ARHGAP20: variants seen among roughly 807,000 people sequenced by gnomAD.
The protein encoded by ARHGAP20 is rho GTPase-activating protein 20.
In ARHGAP20, 34 loss-of-function variants were observed where a neutral mutation model predicts 73.7. The observed-to-expected ratio is 0.46, with a 90% CI of 0.35 to 0.61. The LOEUF is 0.61. Among genes scored for constraint, ARHGAP20 ranks in the 20% least tolerant of loss-of-function variants. The pLI is 0.00. For synonymous variants in ARHGAP20, 523 were observed against 518.2 expected (o/e 1.01, Z -0.13); for missense variants, 1,314 against 1,420.9 (o/e 0.92, Z 1.21).
rs112958289 is a variant in ARHGAP20, at chr11:110,590,786, T to C, written c.1167A>G (p.Gln389=). The C allele has an allele frequency of 2.3e-5, 37 of 1,613,420 alleles. No homozygotes were observed. The African/African-American group carries it at 3.9e-4, about 17-fold the overall frequency. ...AGATACCTTTGGTGAGAGGTCCTTT[T>C]TGATTAAGAAAGAAAAGCATATCCT... ...PVLDMLFFLN[Q]KGPLTKGIFR... is the part of the protein sequence containing the mutation. The change falls in exon 11 of 15, where the codon CAA becomes CAG. Residue 389 remains glutamine (Q), a synonymous_variant. Transcript: ENST00000683387.
chr11:110,707,535 A>G (rs1950571310), intron 1 of ARHGAP20, among the ~76,000 whole-genome samples: 1 of 152,168 alleles, frequency 6.6e-6, no homozygotes, highest in Non-Finnish European at 1.5e-5. Context: ...AAATCCTCTG[A>G]CTAGTGAGTA....
chr11:110,610,940 T>C (rs1185738474), intron 7 of ARHGAP20, among the ~76,000 whole-genome samples: 1 of 152,060 alleles, frequency 6.6e-6, no homozygotes, highest in Non-Finnish European at 1.5e-5. Flanking sequence ...AGGATAATTA[T>C]ATAGGGGAAA....
At chr11:110,655,068 C>G (rs1949435713) in intron 2 of ARHGAP20, among the ~76,000 whole-genome samples, 1 of 152,148 alleles carries the variant, frequency 6.6e-6, no homozygotes, top group Non-Finnish European at 1.5e-5. Flanking sequence ...CTACTCTAGA[C>G]TATATTCTTC....
At chr11:110,637,019 C>T (rs1054069789) in intron 2 of ARHGAP20, among the ~76,000 whole-genome samples, 1 of 151,966 alleles carries the variant, frequency 6.6e-6, no homozygotes, top group African/African-American at 2.4e-5. Context: ...CTGTTGCTTG[C>T]TTTTTATGTA....
chr11:110,634,659 T>C (rs756528804), intron 2 of ARHGAP20, among the ~76,000 whole-genome samples: 8 of 152,134 alleles, frequency 5.3e-5, no homozygotes, highest in South Asian at 2.1e-4. Context: ...GTTTCCTATA[T>C]GTAAAGTAAG....
At position 110,606,585 on chromosome 11, in the gene ARHGAP20, G is replaced by T; in HGVS notation, c.940C>A (p.Leu314Met). ...CCACTCAGTTGCTGGGCTGCAGCCA[G>T]GCGGCTGGGCTTCAGGATGAACTGG... Reference protein sequence around the residue: ...QCQFILKPSRLAAAQQLSDSG... With the variant: ...QCQFILKPSRMAAAQQLSDSG... Residue 314 changes from leucine to methionine, a missense_variant, in exon 9 of 15, where the codon CTG (leucine) becomes ATG (methionine). By Grantham distance (15) the Leu-to-Met change is conservative. Transcript: ENST00000683387. 6.2e-7 allele frequency: 1 copy of T among 1,611,044 alleles called. No homozygotes were observed. The highest frequency in any genetic ancestry group is 1.3e-5 in the African/African-American group (1 of 74,688).
At chr11:110,670,199 T>A (rs532853391) in intron 2 of ARHGAP20, among the ~76,000 whole-genome samples, 2 of 152,222 alleles carry the variant, frequency 1.3e-5, no homozygotes, top group South Asian at 4.1e-4. Context: ...TTATGTGTGC[T>A]TTATTGTACA....
At chr11:110,712,025 G>T in intron 1 of ARHGAP20, 102 bp downstream of exon 1, 2 of 1,242,184 alleles carry the variant, frequency 1.6e-6, no homozygotes, top group East Asian at 6.4e-5. Context: ...TCAAATTCCC[G>T]CGGCGTCCGC....
At position 110,581,217 on chromosome 11, in the gene ARHGAP20, A is replaced by C. The variant is rs1472782424; in HGVS notation, c.1729T>G (p.Cys577Gly). ...TAGGAGGAGTCATTCAGTTGAAAGC[A>C]AGAAATATCTGTCAAAAAAATTAAA... The part of the protein sequence containing the change: ...DTRENASDIS[C>G]FQLNDSSYDS... The change falls in exon 15 of 15, where the codon TGC becomes GGC. Residue 577 changes from cysteine to glycine, a missense_variant. Cys to Gly is a radical substitution (Grantham distance 159, BLOSUM62 -3). This residue lies in a region of ARHGAP20 where 230 missense variants were observed against 317.6 expected (regional missense o/e 0.72). Transcript: ENST00000683387. The C allele has an allele frequency of 6.2e-7, 1 of 1,601,304 alleles. No individual in the cohort carries two copies. The highest frequency in any genetic ancestry group is 8.5e-7 in the Non-Finnish European group (1 of 1,173,562).
intron 2 of ARHGAP20, among the ~76,000 whole-genome samples, chr11:110,646,970 A>G (rs1949207740): frequency 6.6e-6 from 1 of 152,130 alleles, no homozygotes; most frequent in South Asian, 2.1e-4. Flanking sequence ...CAAAAAAAAT[A>G]ATAGTAATAA....
chr11:110,610,655 C>T (rs1160447326), intron 7 of ARHGAP20, among the ~76,000 whole-genome samples: 5 of 152,116 alleles, frequency 3.3e-5, no homozygotes. Flanking sequence ...ATCTTCTCCA[C>T]TCCTAAAATT....
intron 1 of ARHGAP20, among the ~76,000 whole-genome samples, chr11:110,692,331 A>C (rs1279952427): frequency 6.6e-6 from 1 of 152,152 alleles, no homozygotes; most frequent in Non-Finnish European, 1.5e-5. Context: ...GTTCATATCC[A>C]TCAAGCTATG....
intron 13 of ARHGAP20, 98 bp from the exon 14 acceptor site, chr11:110,582,533 T>C (rs1369782642): frequency 2.2e-5 from 16 of 713,592 alleles, no homozygotes; most frequent in Non-Finnish European, 3.3e-5. Flanking sequence ...AAACCACATC[T>C]ACCCAGAGAA....
intron 6 of ARHGAP20, 37 bp from the exon 7 acceptor site, chr11:110,611,423 A>C: frequency 9.0e-7 from 1 of 1,107,004 alleles, no homozygotes; most frequent in Non-Finnish European, 1.3e-6. Flanking sequence ...CTATAAAATA[A>C]TGAATTTTAA....
At chr11:110,585,260 G>C (rs181899152) in intron 12 of ARHGAP20, among the ~76,000 whole-genome samples, 1 of 151,448 alleles carries the variant, frequency 6.6e-6, no homozygotes. Context: ...GTTTATATTT[G>C]CATGAGAGTC....
chr11:110,677,267 C>T (rs373417507), intron 2 of ARHGAP20, among the ~76,000 whole-genome samples: 25 of 152,186 alleles, frequency 1.6e-4, no homozygotes, highest in East Asian at 1.2e-3. Flanking sequence ...ATTAAAAATG[C>T]CTTAAGTTTT....
chr11:110,679,883 C>A (rs1950005226), intron 2 of ARHGAP20, among the ~76,000 whole-genome samples: 1 of 152,134 alleles, frequency 6.6e-6, no homozygotes, highest in African/African-American at 2.4e-5. Flanking sequence ...ATTCAATATA[C>A]ATTAAACAGC....
At chr11:110,652,954 A>C (rs1949388106) in intron 2 of ARHGAP20, among the ~76,000 whole-genome samples, 1 of 152,206 alleles carries the variant, frequency 6.6e-6, no homozygotes. Context: ...AACCTGACAA[A>C]AACAACAATG....
intron 9 of ARHGAP20, among the ~76,000 whole-genome samples, chr11:110,594,871 A>G (rs1947915823): frequency 6.6e-6 from 1 of 152,164 alleles, no homozygotes; most frequent in Admixed American, 6.5e-5. Context: ...CATCCTTGAT[A>G]AACATTGATG....
Sources: allele counts gnomAD v4.1 joint callset (sites outside exome capture counted in the v4.1 genomes callset), GRCh38; gene constraint gnomAD v4.1.1; regional missense constraint gnomAD v4.1.1; transcripts MANE v1.5; gene names NCBI Gene and HGNC (gene_info 2026-07-23, HGNC 2026-07-21).